Variants in ROBO2 observed in about 807,000 individuals in gnomAD.
The protein encoded by ROBO2 is roundabout homolog 2.
In ROBO2, 53 loss-of-function variants were observed where a neutral mutation model predicts 160.8. The observed-to-expected ratio is 0.33, with a 90% CI of 0.26 to 0.41. The LOEUF is 0.41. ROBO2 is among the 10% of genes least tolerant of loss of function. The probability of loss-of-function intolerance (pLI) is 1.00; values close to 1 mark genes in which losing one functional copy is unlikely to be tolerated. For synonymous variants in ROBO2, 664 were observed against 611.7 expected (o/e 1.09, Z -1.26); for missense variants, 1,577 against 1,722.4 (o/e 0.92, Z 1.49).
rs2067969074 is a variant in ROBO2, at chr3:76,059,046, T to C, written c.109+121444T>C. 2.0e-5 allele frequency among the ~76,000 whole-genome samples: 3 copies of C among 150,926 alleles called. No homozygotes were observed. The South Asian group carries it at 6.3e-4, about 32-fold the overall frequency. Reference sequence around the variant, plus strand: ...TGCCACATTTTCTTAATCCAGTCTATCATTGTTGGACATTTGGGTTGGTTC... The same window carrying C: ...TGCCACATTTTCTTAATCCAGTCTACCATTGTTGGACATTTGGGTTGGTTC... On this transcript the variant is annotated intron_variant, in intron 2 of 26. Coordinates refer to the ROBO2 transcript ENST00000487694.
intron 2 of ROBO2, among the ~76,000 whole-genome samples, chr3:77,381,417 G>C (rs905591256): frequency 6.6e-6 from 1 of 152,082 alleles, no homozygotes; most frequent in Non-Finnish European, 1.5e-5. Flanking sequence ...AGTCCACAAA[G>C]CCATGATCAG....
intron 2 of ROBO2, among the ~76,000 whole-genome samples, chr3:76,748,980 C>A (rs573329234): frequency 1.3e-5 from 2 of 151,746 alleles, no homozygotes; most frequent in East Asian, 3.9e-4. Flanking sequence ...ACTTATCTTT[C>A]TTACAATAAA....
At chr3:76,230,314 A>G (rs186740687) in intron 2 of ROBO2, among the ~76,000 whole-genome samples, 129 of 151,400 alleles carry the variant, frequency 8.5e-4, no homozygotes, top group African/African-American at 2.9e-3. Context: ...TGTATTTCTC[A>G]TTTGAAAAAA....
chr3:77,313,748 C>G (rs2153424465), intron 2 of ROBO2, among the ~76,000 whole-genome samples: 1 of 152,224 alleles, frequency 6.6e-6, no homozygotes, highest in African/African-American at 2.4e-5. Flanking sequence ...CCACGCCCAG[C>G]TAATTTTGTA....
intron 2 of ROBO2, among the ~76,000 whole-genome samples, chr3:77,212,226 T>C (rs1400374659): frequency 1.3e-5 from 2 of 152,176 alleles, no homozygotes; most frequent in Non-Finnish European, 2.9e-5. Flanking sequence ...GTTCTTCCAT[T>C]TGTTTGTATC....
intron 2 of ROBO2, among the ~76,000 whole-genome samples, chr3:76,045,620 A>T (rs922033336): frequency 6.6e-6 from 1 of 152,112 alleles, no homozygotes; most frequent in African/African-American, 2.4e-5. Context: ...TTAATTTCTC[A>T]GTCAACACCA....
intron 21 of ROBO2, among the ~76,000 whole-genome samples, chr3:77,611,230 G>A (rs766831419): frequency 2.2e-4 from 34 of 151,722 alleles, no homozygotes; most frequent in South Asian, 4.2e-4. Flanking sequence ...CCTGGGAGGC[G>A]GAATTCGCAG....
chr3:77,194,965 T>C (rs1387634323), intron 2 of ROBO2, among the ~76,000 whole-genome samples: 1 of 152,132 alleles, frequency 6.6e-6, no homozygotes, highest in Non-Finnish European at 1.5e-5. Context: ...GAAGAAAGAA[T>C]TTCATAATAT....
At chr3:77,164,892 G>T (rs1305512347) in intron 2 of ROBO2, among the ~76,000 whole-genome samples, 11 of 97,204 alleles carry the variant, frequency 1.1e-4, no homozygotes, top group Non-Finnish European at 1.2e-4. Context: ...GAGGTGGGGG[G>T]GTCAGCCCCC....
At chr3:77,026,423 GCAGTTT>G in intron 2 of ROBO2, among the ~76,000 whole-genome samples, 1 of 152,290 alleles carries the variant, frequency 6.6e-6, no homozygotes, top group African/African-American at 2.4e-5. Context: ...CAATGGGACA[GCAGTTT>G]CACATAAATA....
At chr3:76,964,905 T>C (rs1317377075) in intron 2 of ROBO2, among the ~76,000 whole-genome samples, 1 of 152,234 alleles carries the variant, frequency 6.6e-6, no homozygotes, top group Non-Finnish European at 1.5e-5. Context: ...AGTTATTAGC[T>C]TGCCTCTTCA....
At chr3:77,385,902 A>G (rs536890781) in intron 2 of ROBO2, among the ~76,000 whole-genome samples, 1 of 152,312 alleles carries the variant, frequency 6.6e-6, no homozygotes, top group African/African-American at 2.4e-5. Context: ...TTTCTATCAC[A>G]TCACTTCTAA....
At chr3:76,018,104 G>A (rs577526251) in intron 2 of ROBO2, among the ~76,000 whole-genome samples, 3 of 151,966 alleles carry the variant, frequency 2.0e-5, no homozygotes, top group Non-Finnish European at 2.9e-5. Context: ...TTAGGAGATA[G>A]CAAATGGGGG....
chr3:76,218,668 A>G (rs891838688), intron 2 of ROBO2, among the ~76,000 whole-genome samples: 1 of 152,186 alleles, frequency 6.6e-6, no homozygotes, highest in African/African-American at 2.4e-5. Flanking sequence ...AAAAGACGAT[A>G]CAAACAAATG....
chr3:76,497,920 C>T (rs966107378), intron 2 of ROBO2, among the ~76,000 whole-genome samples: 8 of 152,342 alleles, frequency 5.3e-5, no homozygotes, highest in Admixed American at 6.5e-5. Context: ...GCAGACCTTG[C>T]ACTTTCCAGC....
intron 2 of ROBO2, among the ~76,000 whole-genome samples, chr3:76,212,877 T>C (rs1459407148): frequency 1.4e-5 from 2 of 146,410 alleles, no homozygotes; most frequent in African/African-American, 5.1e-5. Context: ...TTTGACTAAC[T>C]TCTTTAAAAG....
chr3:76,805,582 T>G (rs1386163120), intron 2 of ROBO2, among the ~76,000 whole-genome samples: 1 of 151,934 alleles, frequency 6.6e-6, no homozygotes, highest in East Asian at 1.9e-4. Flanking sequence ...AGAAATTAAT[T>G]TTAGCCAATT....
At chr3:76,978,852 G>A (rs2059938566) in intron 2 of ROBO2, among the ~76,000 whole-genome samples, 1 of 151,306 alleles carries the variant, frequency 6.6e-6, no homozygotes, top group Non-Finnish European at 1.5e-5. Flanking sequence ...TGAGGGCTCT[G>A]TTCAGCTGGT....
At chr3:76,512,809 T>C (rs1261059553) in intron 2 of ROBO2, among the ~76,000 whole-genome samples, 2 of 152,198 alleles carry the variant, frequency 1.3e-5, no homozygotes, top group South Asian at 2.1e-4. Context: ...ATTATGTATA[T>C]ACAAATATCT....
Sources: gnomAD v4.1 joint callset for allele counts (sites outside exome capture counted in the v4.1 genomes callset) on GRCh38, gnomAD v4.1.1 for gene constraint, MANE v1.5 for transcripts, NCBI Gene and HGNC (gene_info 2026-07-23, HGNC 2026-07-21) for gene names.